The following ZFHX3 variants were observed in gnomAD, a reference collection of about 807,000 sequenced individuals.
ZFHX3 encodes zinc finger homeobox 3.
In ZFHX3, 42 loss-of-function variants were observed where a neutral mutation model predicts 279.1. That is an observed-to-expected ratio of 0.15 (90% CI 0.12 to 0.19). The LOEUF (loss-of-function observed/expected upper bound fraction) is 0.19. Among genes scored for constraint, ZFHX3 ranks in the 10% least tolerant of loss-of-function variants. The probability of loss-of-function intolerance (pLI) is 1.00; values close to 1 mark genes in which losing one functional copy is unlikely to be tolerated. For missense variants in ZFHX3, 4,981 were observed against 4,754.0 expected, an observed-to-expected ratio of 1.05 and a Z score of -1.40; for synonymous variants, 2,293 against 1,957.8, an observed-to-expected ratio of 1.17 and a Z score of -4.52.
intron 5 of ZFHX3, among the ~76,000 whole-genome samples, chr16:73,175,318 T>G (rs1435614248): frequency 1.3e-5 from 2 of 152,162 alleles, no homozygotes; most frequent in Non-Finnish European, 2.9e-5. Flanking sequence ...AGGTGGAGGC[T>G]GCAGTGAGCT....
intron 1 of ZFHX3, among the ~76,000 whole-genome samples, chr16:73,746,529 T>C (rs2053705042): frequency 1.3e-5 from 2 of 152,180 alleles, no homozygotes; most frequent in South Asian, 4.1e-4. Context: ...AAAGTCCCTC[T>C]GGGGAGTCCA....
intron 3 of ZFHX3, among the ~76,000 whole-genome samples, chr16:72,899,945 T>A (rs1292598982): frequency 6.6e-6 from 1 of 151,864 alleles, no homozygotes; most frequent in East Asian, 1.9e-4. Flanking sequence ...CAACCCTCAC[T>A]CCTCCCCAGG....
chr16:73,159,185 C>G (rs1183672609), intron 5 of ZFHX3, among the ~76,000 whole-genome samples: 5 of 152,162 alleles, frequency 3.3e-5, no homozygotes, highest in African/African-American at 4.8e-5. Flanking sequence ...GTGCATCTGA[C>G]AAAGATCTAA....
At chr16:73,352,497 T>C in intron 3 of ZFHX3, among the ~76,000 whole-genome samples, 1 of 144,238 alleles carries the variant, frequency 6.9e-6, no homozygotes, top group Admixed American at 7.0e-5. Flanking sequence ...TTTTTTTTTT[T>C]TTTTGGAGAC....
At chr16:73,569,706 G>A (rs994720053) in intron 2 of ZFHX3, among the ~76,000 whole-genome samples, 1 of 152,140 alleles carries the variant, frequency 6.6e-6, no homozygotes, top group Non-Finnish European at 1.5e-5. Context: ...TCAAAATCAT[G>A]CATTATGTAT....
intron 3 of ZFHX3, among the ~76,000 whole-genome samples, chr16:73,374,817 G>C (rs575229157): frequency 1.3e-5 from 2 of 152,180 alleles, no homozygotes; most frequent in Non-Finnish European, 2.9e-5. Flanking sequence ...CATTCTTATG[G>C]TGGTGTTTAC....
chr16:73,417,477 CT>C (rs1416193337), intron 3 of ZFHX3, among the ~76,000 whole-genome samples: 1 of 148,492 alleles, frequency 6.7e-6, no homozygotes, highest in African/African-American at 2.5e-5. Flanking sequence ...AGTGATCCTC[CT>C]GCCTCAGCCT....
At chr16:73,260,074 TC>T (rs2013776057) in intron 4 of ZFHX3, among the ~76,000 whole-genome samples, 1 of 152,210 alleles carries the variant, frequency 6.6e-6, no homozygotes, top group East Asian at 1.9e-4. Flanking sequence ...ATGGAATAAT[TC>T]TTTAGTCCTT....
intron 5 of ZFHX3, among the ~76,000 whole-genome samples, chr16:73,225,104 T>C (rs1178646602): frequency 6.6e-6 from 1 of 152,178 alleles, no homozygotes; most frequent in Non-Finnish European, 1.5e-5. Flanking sequence ...TATATTTTTA[T>C]ATATGCATAC....
chr16:72,822,735 T>G (rs938775928), intron 5 of ZFHX3, among the ~76,000 whole-genome samples: 1 of 151,916 alleles, frequency 6.6e-6, no homozygotes, highest in Admixed American at 6.6e-5. Context: ...ACCTTGATGA[T>G]AGTTCTCATT....
chr16:73,365,310 A>G (rs1427611408), intron 3 of ZFHX3, among the ~76,000 whole-genome samples: 1 of 152,230 alleles, frequency 6.6e-6, no homozygotes, highest in Non-Finnish European at 1.5e-5. Context: ...GATGCAGACG[A>G]GAGCTGGTGC....
chr16:73,125,376 C>G (rs931241281), intron 7 of ZFHX3: 1 of 151,848 alleles, frequency 6.6e-6, no homozygotes, highest in Non-Finnish European at 1.5e-5. Context: ...TCTTCATAGC[C>G]ACTTTATGGG....
intron 3 of ZFHX3, among the ~76,000 whole-genome samples, chr16:73,386,193 C>T (rs1327946852): frequency 1.3e-5 from 2 of 151,682 alleles, no homozygotes; most frequent in Non-Finnish European, 2.9e-5. Context: ...TCTCTCCCAC[C>T]GTCTCTGTCT....
intron 2 of ZFHX3, among the ~76,000 whole-genome samples, chr16:72,952,370 C>T (rs889840204): frequency 3.3e-5 from 5 of 152,234 alleles, no homozygotes; most frequent in Admixed American, 3.3e-4. Flanking sequence ...GCTACCTGTT[C>T]TCTTTCCTGA....
intron 4 of ZFHX3, among the ~76,000 whole-genome samples, chr16:72,876,934 T>C (rs2038330176): frequency 6.6e-6 from 1 of 152,070 alleles, no homozygotes; most frequent in Non-Finnish European, 1.5e-5. Context: ...AACAGAGACT[T>C]GGCGGGGGAG....
At chr16:73,193,990 G>A (rs1044166646) in intron 5 of ZFHX3, among the ~76,000 whole-genome samples, 5 of 152,134 alleles carry the variant, frequency 3.3e-5, no homozygotes, top group East Asian at 1.9e-4. Context: ...GAAAGACCTC[G>A]CTAGGACCCT....
chr16:73,667,270 G>T (rs767105844), intron 2 of ZFHX3, among the ~76,000 whole-genome samples: 78 of 152,130 alleles, frequency 5.1e-4, no homozygotes, highest in Non-Finnish European at 1.3e-4. Context: ...GATTACAGGC[G>T]TGAGCCACCA....
chr16:73,718,708 T>G (rs1272123924), intron 1 of ZFHX3, among the ~76,000 whole-genome samples: 10 of 151,662 alleles, frequency 6.6e-5, no homozygotes. Context: ...CTCCACCTCC[T>G]GGGTTCAAGC....
At chr16:73,131,711 T>C (rs990812173) in intron 6 of ZFHX3, among the ~76,000 whole-genome samples, 7 of 152,318 alleles carry the variant, frequency 4.6e-5, no homozygotes, top group South Asian at 2.1e-4. Context: ...TGGTCTCCAA[T>C]GTTGCCTGCA....
Sources: allele counts gnomAD v4.1 joint callset (sites outside exome capture counted in the v4.1 genomes callset), GRCh38; gene constraint gnomAD v4.1.1; transcripts MANE v1.5; gene names NCBI Gene and HGNC (gene_info 2026-07-23, HGNC 2026-07-21).